Variants in GNAI1 observed in about 807,000 individuals in gnomAD.
GNAI1 encodes guanine nucleotide-binding protein G(i) subunit alpha-1.
A neutral mutation model predicts 38.9 loss-of-function variants in GNAI1; 11 were observed. The ratio of observed to expected loss-of-function variants is 0.28; its 90% CI spans 0.18 to 0.47. GNAI1 has a LOEUF of 0.47. GNAI1 is among the 20% of genes least tolerant of loss of function. The probability of loss-of-function intolerance (pLI) is 0.99; values close to 1 mark genes in which losing one functional copy is unlikely to be tolerated. For missense variants in GNAI1, 317 were observed against 436.9 expected, an observed-to-expected ratio of 0.73 and a Z score of 2.45; for synonymous variants, 166 against 145.1, an observed-to-expected ratio of 1.14 and a Z score of -1.04.
intron 3 of GNAI1, among the ~76,000 whole-genome samples, chr7:80,196,011 GACTCTTCTGAATTTTCATCAAGT>G (rs1179664248): frequency 6.6e-6 from 1 of 151,902 alleles, no homozygotes; most frequent in African/African-American, 2.4e-5. Context: ...ATCCTAGGCA[GACTCTTCTGAATTTTCATCAAGT>G]GGGTGACAGC....
rs1262962198 is a variant in GNAI1, at chr7:80,222,604, C to T, written c.*5111C>T. ...GTTTCTCCATGTCGGTCGGGCTGGT[C>T]TCGAACTCCTGACCTCAGGTAATCC... On this transcript the variant is annotated 3_prime_UTR_variant, in exon 8 of 8. Coordinates refer to ENST00000649796, the MANE Select transcript of GNAI1 (RefSeq NM_002069.6). 1.3e-5 allele frequency among the ~76,000 whole-genome samples: 2 copies of T among 151,862 alleles called. No individual in the cohort carries two copies. The highest frequency in any genetic ancestry group is 6.6e-5 in the Admixed American group (1 of 15,238).
At chr7:80,138,185 G>T (rs1177585447) in intron 1 of GNAI1, among the ~76,000 whole-genome samples, 1 of 152,110 alleles carries the variant, frequency 6.6e-6, no homozygotes, top group East Asian at 1.9e-4. Context: ...TTTTAAGACA[G>T]TCTGTTAAAT....
At chr7:80,207,806 T>G (rs925078860) in intron 5 of GNAI1, among the ~76,000 whole-genome samples, 1 of 152,118 alleles carries the variant, frequency 6.6e-6, no homozygotes, top group Non-Finnish European at 1.5e-5. Context: ...AATGAGGCAA[T>G]AGGGCATCAT....
chr7:80,188,211 T>C lies in GNAI1; in HGVS notation c.119-740T>C, dbSNP rs909258432. On this transcript the variant is annotated intron_variant, in intron 1 of 7. Coordinates refer to ENST00000649796, the MANE Select transcript of GNAI1 (RefSeq NM_002069.6). ...GACATAGCTGTTTGAACATCTGATA[T>C]TTTAAAATAGTTTTTCATGTGGCTT... is the stretch of plus-strand genomic sequence containing the variant. 5.9e-5 allele frequency among the ~76,000 whole-genome samples: 9 copies of C among 152,352 alleles called. No individual in the cohort carries two copies. In the South Asian group the frequency reaches 1.9e-3, roughly 32 times the overall value.
At chr7:80,161,417 C>T (rs1787921616) in intron 1 of GNAI1, among the ~76,000 whole-genome samples, 1 of 152,120 alleles carries the variant, frequency 6.6e-6, no homozygotes, top group Non-Finnish European at 1.5e-5. Flanking sequence ...TAATTGAGTA[C>T]AGCTCTGGTG....
At chr7:80,164,892 G>C (rs1011183177) in intron 1 of GNAI1, among the ~76,000 whole-genome samples, 1 of 149,638 alleles carries the variant, frequency 6.7e-6, no homozygotes, top group African/African-American at 2.6e-5. Flanking sequence ...TTCTTTACTC[G>C]ACCTTTTTAA....
At chr7:80,171,803 C>T (rs1788103042) in intron 1 of GNAI1, among the ~76,000 whole-genome samples, 1 of 152,172 alleles carries the variant, frequency 6.6e-6, no homozygotes, top group Non-Finnish European at 1.5e-5. Flanking sequence ...ATTTATCAGA[C>T]ATCTTATTTA....
At chr7:80,194,459 T>C (rs1009772373) in intron 3 of GNAI1, among the ~76,000 whole-genome samples, 8 of 152,192 alleles carry the variant, frequency 5.3e-5, no homozygotes, top group African/African-American at 9.6e-5. Flanking sequence ...TTTTAAAAAA[T>C]GTTTAAAATT....
At chr7:80,187,106 A>G in intron 1 of GNAI1, 1 of 152,114 alleles carries the variant, frequency 6.6e-6, no homozygotes, top group East Asian at 1.9e-4. Flanking sequence ...AACCACAAGT[A>G]AAATTTAGGG....
chr7:80,153,977 C>T (rs1282741878), intron 1 of GNAI1, among the ~76,000 whole-genome samples: 1 of 152,112 alleles, frequency 6.6e-6, no homozygotes, highest in Non-Finnish European at 1.5e-5. Context: ...GGCTGGAGTG[C>T]AGAGACATGA....
rs10247757 is a variant in GNAI1, at chr7:80,224,131, C to A, written c.*6638C>A. Among the ~76,000 whole-genome samples, 14,882 of 152,092 alleles carry A rather than the reference C, an allele frequency of 0.098. 847 individuals are homozygous for A. The highest frequency in any genetic ancestry group is 0.19 in the South Asian group (912 of 4,812). ...GATTTACTCAAAACCACGAACTCCTCCATTATTTAAAATATGTTAGAGATA... is the reference window on the plus strand; with the variant it reads ...GATTTACTCAAAACCACGAACTCCTACATTATTTAAAATATGTTAGAGATA... On this transcript the variant is annotated 3_prime_UTR_variant, in exon 8 of 8. Transcript: ENST00000649796.
In GNAI1 at chr7:80,189,113, C is replaced by T. The variant is rs779641348; in HGVS notation, c.185C>T (p.Ser62Leu). 1 of 1,604,720 alleles carries T rather than the reference C, an allele frequency of 6.2e-7. No homozygotes were observed. The highest frequency in any genetic ancestry group is 1.1e-5 in the South Asian group (1 of 90,156). The change falls in exon 3 of 8, where the codon TCA becomes TTA. Residue 62 changes from serine to leucine, a missense_variant. Transcript: ENST00000649796. Reference protein sequence around the residue: ...QMKIIHEAGYSEEECKQYKAV... With the variant: ...QMKIIHEAGYLEEECKQYKAV... ...AGAATTATCCATGAAGCTGGTTATT[C>T]AGAAGAGGAGTGTAAACAATACAAA...
rs538942990 is a variant in GNAI1, at chr7:80,178,574, C to T, written c.119-10377C>T. 6.6e-5 allele frequency among the ~76,000 whole-genome samples: 10 copies of T among 152,244 alleles called. No homozygotes were observed. In the East Asian group the frequency reaches 1.4e-3, roughly 21 times the overall value. On this transcript the variant is annotated intron_variant, in intron 1 of 7. Coordinates refer to ENST00000649796, the MANE Select transcript of GNAI1 (RefSeq NM_002069.6). ...CCTTCTCCAGCAGAAGATGATGACT[C>T]GCTGAAGGGTCAGATGATTGTTAAC...
At chr7:80,164,149 A>G (rs913706582) in intron 1 of GNAI1, among the ~76,000 whole-genome samples, 10 of 144,914 alleles carry the variant, frequency 6.9e-5, no homozygotes, top group Non-Finnish European at 1.1e-4. Context: ...GGTTCAAGCA[A>G]TTCTTCTGCC....
chr7:80,162,995 G>A (rs1382109991), intron 1 of GNAI1, among the ~76,000 whole-genome samples: 1 of 152,120 alleles, frequency 6.6e-6, no homozygotes, highest in African/African-American at 2.4e-5. Context: ...GTAAAACTGG[G>A]TTTGTTTTAG....
At chr7:80,208,531 A>C (rs962061690) in intron 5 of GNAI1, among the ~76,000 whole-genome samples, 1 of 152,150 alleles carries the variant, frequency 6.6e-6, no homozygotes, top group African/African-American at 2.4e-5. Context: ...ATTGATCCTC[A>C]AAAGGATGGT....
At chr7:80,204,669 A>G (rs1462680430) in intron 5 of GNAI1, among the ~76,000 whole-genome samples, 1 of 152,112 alleles carries the variant, frequency 6.6e-6, no homozygotes, top group Non-Finnish European at 1.5e-5. Context: ...AGTCATTACC[A>G]TGACTTTCTT....
At position 80,224,064 on chromosome 7, in the gene GNAI1, T is replaced by G. The variant is rs1471624968; in HGVS notation, c.*6571T>G. ...GGCTTCTAGATGCAGATTTATACAA[T>G]AGTGCTAAATCAAGACCTTGAAAAA... On this transcript the variant is annotated 3_prime_UTR_variant, in exon 8 of 8. Coordinates refer to ENST00000649796, the MANE Select transcript of GNAI1 (RefSeq NM_002069.6). 6.6e-6 allele frequency among the ~76,000 whole-genome samples: 1 copy of G among 152,158 alleles called. No individual in the cohort carries two copies. Among genetic ancestry groups the G allele is most frequent in the Non-Finnish European group, 1.5e-5 (1 of 68,020 alleles).
intron 1 of GNAI1, among the ~76,000 whole-genome samples, chr7:80,164,346 CT>C (rs977027473): frequency 2.2e-4 from 33 of 151,052 alleles, no homozygotes; most frequent in African/African-American, 8.0e-4. Flanking sequence ...TGGCTGCTTT[CT>C]TTTTTTCTTG....
Sources: allele counts gnomAD v4.1 joint callset (sites outside exome capture counted in the v4.1 genomes callset), GRCh38; gene constraint gnomAD v4.1.1; transcripts MANE v1.5; gene names NCBI Gene and HGNC (gene_info 2026-07-23, HGNC 2026-07-21).